Variants in ATP6V1E1 observed in about 807,000 individuals in gnomAD.
ATP6V1E1 encodes the protein ATPase H+ transporting V1 subunit E1, also known as V-type proton ATPase subunit E 1.
A neutral mutation model predicts 35.2 loss-of-function variants in ATP6V1E1; 21 were observed. That is an observed-to-expected ratio of 0.60 (90% CI 0.42 to 0.86). The LOEUF is 0.86. Among genes scored for constraint, ATP6V1E1 ranks in the 40% least tolerant of loss-of-function variants. The probability of loss-of-function intolerance (pLI) is 0.00; values close to 1 mark genes in which losing one functional copy is unlikely to be tolerated. For missense variants in ATP6V1E1, 183 were observed against 272.6 expected (o/e 0.67, Z 2.32); for synonymous variants, 83 against 87.8 (o/e 0.95, Z 0.30).
chr22:17,609,248 C>T (rs2057802243), intron 4 of ATP6V1E1, among the ~76,000 whole-genome samples: 1 of 151,730 alleles, frequency 6.6e-6, no homozygotes, highest in Admixed American at 6.6e-5. Flanking sequence ...GCAACCTCCG[C>T]CTCCCGGGTT....
intron 1 of ATP6V1E1, among the ~76,000 whole-genome samples, chr22:17,626,681 C>A (rs556975093): frequency 6.6e-6 from 1 of 151,990 alleles, no homozygotes; most frequent in African/African-American, 2.4e-5. Flanking sequence ...CAGGCATATG[C>A]CAGCACGCCC....
chr22:17,628,566 C>T (rs1413746505), intron 1 of ATP6V1E1, 37 bp downstream of exon 1: 10 of 1,613,730 alleles, frequency 6.2e-6, no homozygotes, highest in Non-Finnish European at 8.5e-6. Context: ...CCCGGGACTG[C>T]CGCCGCGGCT....
At position 17,628,687 on chromosome 22, in the gene ATP6V1E1, A is replaced by C. The variant is rs1347209923; in HGVS notation, c.-52T>G. 1.2e-6 allele frequency: 2 copies of C among 1,612,270 alleles called. No individual in the cohort carries two copies. The highest frequency in any genetic ancestry group is 1.1e-5 in the South Asian group (1 of 91,068). On this transcript the variant is annotated 5_prime_UTR_variant, in exon 1 of 9. Transcript: ENST00000253413. ...CAGTAGGCTCGAGTTTAGGTTTGAAAGGTGAGGTGAGAGAAATCGGCAAAG... is the reference window on the plus strand; with the variant it reads ...CAGTAGGCTCGAGTTTAGGTTTGAACGGTGAGGTGAGAGAAATCGGCAAAG...
At chr22:17,602,379 G>T (rs5747257) in intron 4 of ATP6V1E1, among the ~76,000 whole-genome samples, 83,143 of 151,402 alleles carry the variant, frequency 0.55, 24,420 homozygotes, top group African/African-American at 0.76. Context: ...AAAACTCAAG[G>T]CTTTTTTTTT....
chr22:17,592,798 ATCTTT>A, intron 8 of ATP6V1E1, 62 bp from the exon 9 acceptor site: 1 of 1,158,624 alleles, frequency 8.6e-7, no homozygotes, highest in Non-Finnish European at 1.2e-6. Flanking sequence ...AGCGCTGCAC[ATCTTT>A]TTTTTTTTTT....
intron 4 of ATP6V1E1, among the ~76,000 whole-genome samples, chr22:17,609,244 TC>T (rs2077024111): frequency 6.6e-6 from 1 of 151,112 alleles, no homozygotes; most frequent in Non-Finnish European, 1.5e-5. Flanking sequence ...CATTGCAACC[TC>T]CGCCTCCCGG....
At chr22:17,624,278 G>A (rs1051578615) in intron 1 of ATP6V1E1, among the ~76,000 whole-genome samples, 4 of 152,132 alleles carry the variant, frequency 2.6e-5, no homozygotes, top group Admixed American at 6.6e-5. Flanking sequence ...AAAATAGGCC[G>A]GGTGCAGTGG....
At chr22:17,605,817 C>T (rs1393702055) in intron 4 of ATP6V1E1, among the ~76,000 whole-genome samples, 3 of 151,602 alleles carry the variant, frequency 2.0e-5, no homozygotes, top group Non-Finnish European at 4.4e-5. Flanking sequence ...ACCACCACGC[C>T]TGGCTACATT....
At chr22:17,609,561 T>C (rs963336876) in intron 4 of ATP6V1E1, among the ~76,000 whole-genome samples, 6 of 140,222 alleles carry the variant, frequency 4.3e-5, no homozygotes, top group Non-Finnish European at 3.1e-5. Flanking sequence ...CTCGGCCTCC[T>C]GGGTTCACGC....
At chr22:17,612,939 G>T (rs562060523) in intron 3 of ATP6V1E1, 61 bp from the exon 4 acceptor site, 1 of 1,476,652 alleles carries the variant, frequency 6.8e-7, no homozygotes, top group African/African-American at 1.4e-5. Context: ...GAAAGAATTC[G>T]AACTCCTGGG....
chr22:17,615,650 A>G (rs967852478), intron 2 of ATP6V1E1, among the ~76,000 whole-genome samples: 20 of 152,214 alleles, frequency 1.3e-4, no homozygotes, highest in African/African-American at 4.8e-4. Flanking sequence ...CTGCAATCCC[A>G]GCACTTTGAA....
At chr22:17,600,986 A>G in intron 5 of ATP6V1E1, 106 bp downstream of exon 5, 1 of 957,984 alleles carries the variant, frequency 1.0e-6, no homozygotes, top group Non-Finnish European at 1.5e-6. Context: ...AAGGAAAAAA[A>G]CTAGAGAAAT....
At chr22:17,620,066 G>C in intron 1 of ATP6V1E1, among the ~76,000 whole-genome samples, 1 of 151,834 alleles carries the variant, frequency 6.6e-6, no homozygotes. Flanking sequence ...CTCTCATAAA[G>C]TGACCATCTC....
At chr22:17,626,325 A>AAAAAAAAAAG (rs1555864859) in intron 1 of ATP6V1E1, among the ~76,000 whole-genome samples, 38 of 122,912 alleles carry the variant, frequency 3.1e-4, no homozygotes, top group Non-Finnish European at 4.0e-4. Flanking sequence ...AAAAAAAAAA[A>AAAAAAAAAAG]AAAGAAAGAA....
intron 1 of ATP6V1E1, among the ~76,000 whole-genome samples, chr22:17,620,790 A>T (rs5992764): frequency 6.6e-6 from 1 of 151,788 alleles, no homozygotes; most frequent in East Asian, 2.0e-4. Flanking sequence ...CCGGCCGGGC[A>T]TGGTGGCTCA....
chr22:17,612,864 A>G lies in ATP6V1E1; in HGVS notation c.224T>C (p.Leu75Ser). The G allele has an allele frequency of 1.2e-6, 2 of 1,609,556 alleles. No individual in the cohort carries two copies. Among genetic ancestry groups the G allele is most frequent in the Non-Finnish European group, 1.7e-6 (2 of 1,179,250 alleles). Residue 75 changes from leucine (L) to serine (S), a missense_variant, in exon 4 of 9, where the codon TTG becomes TCG. Leu to Ser is a moderately radical substitution (Grantham distance 145, BLOSUM62 -2). Transcript: ENST00000253413. ...EQQKKIQMSNLMNQARLKVLR... is the reference protein window; with the variant it reads ...EQQKKIQMSNSMNQARLKVLR... ...GACTTTGAGTCTCGCTTGATTCATCAAATTGGACATCTGACTGCAAAACGG... is the reference window on the plus strand; with the variant it reads ...GACTTTGAGTCTCGCTTGATTCATCGAATTGGACATCTGACTGCAAAACGG...
At chr22:17,619,660 A>T in intron 1 of ATP6V1E1, 134 bp from the exon 2 acceptor site, 1 of 730,286 alleles carries the variant, frequency 1.4e-6, no homozygotes, top group Non-Finnish European at 2.2e-6. Context: ...CCAAGGAGGG[A>T]GGATTGCTTT....
intron 6 of ATP6V1E1, among the ~76,000 whole-genome samples, chr22:17,599,359 A>T (rs2057749620): frequency 6.6e-6 from 1 of 151,536 alleles, no homozygotes; most frequent in Non-Finnish European, 1.5e-5. Flanking sequence ...GGCAGGTCAC[A>T]AGGTCAGGAG....
At chr22:17,626,307 C>CAAAAAAAAAA (rs928655426) in intron 1 of ATP6V1E1, among the ~76,000 whole-genome samples, 5 of 61,940 alleles carry the variant, frequency 8.1e-5, no homozygotes, top group East Asian at 5.6e-4. Flanking sequence ...GACTTCGTCT[C>CAAAAAAAAAA]AAAAAAAAAA....
Sources: gnomAD v4.1 joint callset for allele counts (sites outside exome capture counted in the v4.1 genomes callset) on GRCh38, gnomAD v4.1.1 for gene constraint, MANE v1.5 for transcripts, NCBI Gene and HGNC (gene_info 2026-07-23, HGNC 2026-07-21) for gene names.